The following CRY1 variants were observed in gnomAD, a reference collection of about 807,000 sequenced individuals.
CRY1 encodes cryptochrome circadian regulator 1.
In CRY1, 45 loss-of-function variants were observed where a neutral mutation model predicts 76.0. That is an observed-to-expected ratio of 0.59 (90% CI 0.47 to 0.76). The LOEUF (loss-of-function observed/expected upper bound fraction) is 0.76. Ranked by LOEUF, CRY1 falls within the 30% of genes least tolerant of loss-of-function variation. CRY1 has a pLI of 0.00. For synonymous variants in CRY1, 248 were observed against 244.0 expected (o/e 1.02, Z -0.15); for missense variants, 587 against 716.4 (o/e 0.82, Z 2.06).
chr12:106,998,176 T>C (rs1952255491), intron 7 of CRY1, 110 bp from the exon 8 acceptor site: 3 of 1,269,586 alleles, frequency 2.4e-6, no homozygotes, highest in Admixed American at 4.2e-5. Context: ...TAGCACAGAA[T>C]TGTAAAATTA....
At chr12:107,026,744 T>C (rs971685100) in intron 1 of CRY1, among the ~76,000 whole-genome samples, 1 of 150,594 alleles carries the variant, frequency 6.6e-6, no homozygotes, top group African/African-American at 2.4e-5. Flanking sequence ...ACAGAAGTTG[T>C]TATTTTCCCT....
chr12:107,004,984 A>C (rs1952353448), intron 3 of CRY1, 122 bp downstream of exon 3: 1 of 787,964 alleles, frequency 1.3e-6, no homozygotes, highest in South Asian at 2.2e-5. Context: ...CTACTTTATA[A>C]ACCTCAGTTA....
chr12:106,994,618 T>C (rs1292588324), intron 10 of CRY1, among the ~76,000 whole-genome samples: 3 of 152,202 alleles, frequency 2.0e-5, no homozygotes, highest in Admixed American at 6.5e-5. Context: ...CTACCCTATA[T>C]ACATTTGTGA....
chr12:107,025,788 T>C (rs1033636251), intron 1 of CRY1, among the ~76,000 whole-genome samples: 2 of 151,984 alleles, frequency 1.3e-5, no homozygotes, highest in Admixed American at 1.3e-4. Flanking sequence ...TCATTCCCTA[T>C]ACAATACACA....
intron 1 of CRY1, among the ~76,000 whole-genome samples, chr12:107,087,508 C>T (rs1007370725): frequency 6.6e-6 from 1 of 152,206 alleles, no homozygotes; most frequent in African/African-American, 2.4e-5. Flanking sequence ...TTAATGTCTG[C>T]CCTTGTAGGT....
intron 1 of CRY1, among the ~76,000 whole-genome samples, chr12:107,050,621 T>C (rs1260579951): frequency 1.3e-5 from 2 of 152,230 alleles, no homozygotes; most frequent in African/African-American, 4.8e-5. Flanking sequence ...GCTTCCAGTA[T>C]AGCCTACAGA....
At chr12:107,069,447 T>C (rs986618760) in intron 1 of CRY1, among the ~76,000 whole-genome samples, 1 of 149,782 alleles carries the variant, frequency 6.7e-6, no homozygotes, top group African/African-American at 2.5e-5. Context: ...GAAGTGGTAT[T>C]GCACTGTGGT....
At chr12:107,050,859 G>C (rs1952910430) in intron 1 of CRY1, among the ~76,000 whole-genome samples, 1 of 151,984 alleles carries the variant, frequency 6.6e-6, no homozygotes, top group South Asian at 2.1e-4. Context: ...AATTATGAAA[G>C]AAGGAGGGGG....
chr12:107,049,140 G>A (rs1952885673), intron 1 of CRY1, among the ~76,000 whole-genome samples: 1 of 152,056 alleles, frequency 6.6e-6, no homozygotes, highest in Non-Finnish European at 1.5e-5. Context: ...TGCCTTTCAG[G>A]GGTTTCAACC....
intron 1 of CRY1, among the ~76,000 whole-genome samples, chr12:107,032,277 G>C (rs1196628239): frequency 6.6e-6 from 1 of 152,136 alleles, no homozygotes; most frequent in Non-Finnish European, 1.5e-5. Flanking sequence ...CATGGAAATG[G>C]AAATGTTAAT....
chr12:107,036,266 G>A (rs1484757190), intron 1 of CRY1, among the ~76,000 whole-genome samples: 1 of 152,194 alleles, frequency 6.6e-6, no homozygotes, highest in East Asian at 1.9e-4. Flanking sequence ...TTGGATATTG[G>A]TGAACACTAC....
intron 1 of CRY1, among the ~76,000 whole-genome samples, chr12:107,024,338 T>C (rs1952585922): frequency 6.6e-6 from 1 of 151,952 alleles, no homozygotes; most frequent in Non-Finnish European, 1.5e-5. Context: ...AAGAATTAAG[T>C]ATGGATTAAT....
chr12:107,007,779 C>T (rs1952392119), intron 2 of CRY1, among the ~76,000 whole-genome samples: 1 of 152,170 alleles, frequency 6.6e-6, no homozygotes, highest in Non-Finnish European at 1.5e-5. Context: ...ATCCTCCTTC[C>T]TCAGCCTCCC....
At chr12:107,029,155 C>T (rs994526577) in intron 1 of CRY1, among the ~76,000 whole-genome samples, 4 of 152,116 alleles carry the variant, frequency 2.6e-5, no homozygotes, top group Non-Finnish European at 5.9e-5. Flanking sequence ...CCTCCCATCT[C>T]GGTTCCTGAA....
In CRY1 at chr12:107,066,746, G is replaced by A. The variant is rs533435560; in HGVS notation, c.158+26058C>T. Among the ~76,000 whole-genome samples, 3 of 151,848 alleles carry A rather than the reference G, an allele frequency of 2.0e-5. No homozygotes were observed. The South Asian group carries it at 6.3e-4, about 32-fold the overall frequency. On this transcript the variant is annotated intron_variant, in intron 1 of 12. Transcript: ENST00000008527. ...CCCAAATTGTTAGGATTACAGGCAT[G>A]CAACACTGTGCCTGGCTTAGATTAA...
intron 10 of CRY1, among the ~76,000 whole-genome samples, chr12:106,995,366 C>T (rs1300999091): frequency 1.3e-5 from 2 of 152,120 alleles, no homozygotes; most frequent in Non-Finnish European, 2.9e-5. Context: ...CAAAAAGGTT[C>T]AGTTTTTAAA....
At chr12:107,000,338 C>A (rs183176387) in intron 5 of CRY1, among the ~76,000 whole-genome samples, 12 of 151,966 alleles carry the variant, frequency 7.9e-5, no homozygotes, top group Admixed American at 3.3e-4. Flanking sequence ...GCTGAGAGCA[C>A]CTTCAATCTC....
intron 1 of CRY1, among the ~76,000 whole-genome samples, chr12:107,048,425 A>G (rs115638052): frequency 1.3e-5 from 2 of 151,960 alleles, no homozygotes; most frequent in Non-Finnish European, 2.9e-5. Context: ...ATTGCTCTTT[A>G]TATCTTTCTG....
At chr12:107,091,975 T>C (rs1953476305) in intron 1 of CRY1, among the ~76,000 whole-genome samples, 1 of 152,182 alleles carries the variant, frequency 6.6e-6, no homozygotes, top group African/African-American at 2.4e-5. Context: ...CCACAATACT[T>C]ATCACCACCT....
Sources: gnomAD v4.1 joint callset for allele counts (sites outside exome capture counted in the v4.1 genomes callset) on GRCh38, gnomAD v4.1.1 for gene constraint, MANE v1.5 for transcripts, NCBI Gene and HGNC (gene_info 2026-07-23, HGNC 2026-07-21) for gene names.